The following BMPR1A variants were observed in gnomAD, a reference collection of about 807,000 sequenced individuals.
BMPR1A encodes bone morphogenetic protein receptor type-1A.
Under a neutral mutation model 66.0 loss-of-function variants are expected in BMPR1A, and 7 were observed. The ratio of observed to expected loss-of-function variants is 0.11; its 90% CI spans 0.06 to 0.20. The LOEUF is 0.20. Among genes scored for constraint, BMPR1A ranks in the 10% least tolerant of loss-of-function variants. The pLI, the probability that BMPR1A is intolerant of heterozygous loss-of-function variation, is 1.00. For missense variants in BMPR1A, 408 were observed against 669.1 expected (o/e 0.61, Z 4.31); for synonymous variants, 200 against 229.7 (o/e 0.87, Z 1.17).
chr10:86,874,673 C>T (rs180764924), intron 2 of BMPR1A, among the ~76,000 whole-genome samples: 44 of 145,736 alleles, frequency 3.0e-4, no homozygotes, highest in African/African-American at 9.4e-4. Flanking sequence ...TCTCAAAGTG[C>T]TGGGATTACA....
chr10:86,902,525 A>G (rs1241395458), intron 7 of BMPR1A, among the ~76,000 whole-genome samples: 2 of 152,166 alleles, frequency 1.3e-5, no homozygotes, highest in African/African-American at 2.4e-5. Flanking sequence ...TCTTAAGGAA[A>G]TCTGTTCAGC....
chr10:86,817,254 C>G (rs1842047499), intron 1 of BMPR1A, among the ~76,000 whole-genome samples: 1 of 152,228 alleles, frequency 6.6e-6, no homozygotes, highest in Admixed American at 6.5e-5. Flanking sequence ...ACTCTCCCTT[C>G]TTCCCTTTCC....
chr10:86,928,781 A>G (rs1057470143), downstream of BMPR1A: 9 of 151,840 alleles, frequency 5.9e-5, no homozygotes, highest in Non-Finnish European at 1.0e-4. Flanking sequence ...CAGCCTCCCA[A>G]GTAGCCGGGA....
chr10:86,809,595 C>CTTTTTTTT (rs71019431), intron 1 of BMPR1A, among the ~76,000 whole-genome samples: 107 of 123,614 alleles, frequency 8.7e-4, no homozygotes, highest in East Asian at 3.4e-3. Flanking sequence ...CACCCGACCT[C>CTTTTTTTT]TTTTTTTTTT....
chr10:86,824,081 TTGTGTG>T (rs71477609), intron 1 of BMPR1A, among the ~76,000 whole-genome samples: 14 of 94,128 alleles, frequency 1.5e-4, no homozygotes, highest in East Asian at 7.3e-4. Flanking sequence ...TTACCAAGGG[TTGTGTG>T]TGTGTGTGTG....
In BMPR1A at chr10:86,917,859, T is replaced by C. The variant is rs945340906; in HGVS notation, c.868+533T>C. ...CCTTTAATTTGGAGAGCCCATAGCA[T>C]GTTGCCAAGCAGGCAATTGTATTAG... is the stretch of plus-strand genomic sequence containing the variant. On this transcript the variant is annotated intron_variant, in intron 9 of 12. Transcript: ENST00000372037. 2.6e-5 allele frequency among the ~76,000 whole-genome samples: 4 copies of C among 152,224 alleles called. No individual in the cohort carries two copies. The South Asian group carries it at 8.3e-4, about 32-fold the overall frequency.
intron 2 of BMPR1A, among the ~76,000 whole-genome samples, chr10:86,867,483 A>G (rs1286675733): frequency 2.6e-5 from 4 of 152,230 alleles, no homozygotes; most frequent in Non-Finnish European, 5.9e-5. Context: ...GGAGAAACAG[A>G]AGAGTGACAC....
chr10:86,851,156 G>A (rs997640306), intron 2 of BMPR1A, among the ~76,000 whole-genome samples: 3 of 152,168 alleles, frequency 2.0e-5, no homozygotes, highest in African/African-American at 7.2e-5. Context: ...TTTTGGGAAC[G>A]AAGTTCTTGA....
At chr10:86,826,441 C>CA (rs1564696505) in intron 1 of BMPR1A, among the ~76,000 whole-genome samples, 2 of 151,338 alleles carry the variant, frequency 1.3e-5, no homozygotes, top group Admixed American at 6.6e-5. Flanking sequence ...CACACACACA[C>CA]CCGCTTTTGG....
At chr10:86,899,607 G>A (rs1281511118) in intron 5 of BMPR1A, among the ~76,000 whole-genome samples, 187 bp from the exon 6 acceptor site, 1 of 152,172 alleles carries the variant, frequency 6.6e-6, no homozygotes, top group Non-Finnish European at 1.5e-5. Flanking sequence ...ATGTTCTTAA[G>A]AAAAGCCATT....
At chr10:86,763,882 C>T (rs4933409) in intron 1 of BMPR1A, among the ~76,000 whole-genome samples, 1 of 151,360 alleles carries the variant, frequency 6.6e-6, no homozygotes. Context: ...GCTCTGCCTC[C>T]CGGGTTCACG....
chr10:86,801,888 A>T (rs988390072), intron 1 of BMPR1A, among the ~76,000 whole-genome samples: 63 of 151,770 alleles, frequency 4.2e-4, no homozygotes, highest in African/African-American at 1.3e-3. Context: ...AATTTTTTGT[A>T]CTTTTTTAGT....
rs371488736 is a variant in BMPR1A, at chr10:86,804,771, T to A, written c.-267-34094T>A. On this transcript the variant is annotated intron_variant, in intron 1 of 12. Transcript: ENST00000372037. ...TGTCTATAAAAAGTTTTGAATTTAT[T>A]TTAGCTTAATGTTTGTAGGTGTTTT... 3.3e-5 allele frequency among the ~76,000 whole-genome samples: 5 copies of A among 151,658 alleles called. No individual in the cohort carries two copies. The East Asian group carries it at 7.7e-4, about 23-fold the overall frequency.
chr10:86,855,470 A>C (rs951851625), intron 2 of BMPR1A: 5 of 576,382 alleles, frequency 8.7e-6, no homozygotes, highest in African/African-American at 7.5e-5. Context: ...TACTGTATTT[A>C]CTTTCAGAAT....
intron 11 of BMPR1A, 116 bp from the exon 12 acceptor site, chr10:86,923,260 T>G: frequency 7.1e-7 from 1 of 1,409,496 alleles, no homozygotes; most frequent in East Asian, 2.3e-5. Flanking sequence ...AGTGTCTATA[T>G]TTTTTCTTGT....
At position 86,890,113 on chromosome 10, in the gene BMPR1A, A is replaced by C. The variant is rs1060503403; in HGVS notation, c.119A>C (p.Asp40Ala). ...LHGTGMKSDS[D>A]QKKSENGVTL... ...GGCACTGGGATGAAATCAGACTCCG[A>C]CCAGAAAAAGTCAGAAAATGGAGTA... is the stretch of plus-strand genomic sequence containing the variant. The change falls in exon 4 of 13, where the codon GAC becomes GCC. Residue 40 changes from aspartate (D) to alanine (A), a missense_variant. By Grantham distance (126) the Asp-to-Ala change is moderately radical. This residue lies in a region of BMPR1A where 68 missense variants were observed against 83.0 expected (regional missense o/e 0.82). Transcript: ENST00000372037. 1.9e-6 allele frequency: 3 copies of C among 1,613,880 alleles called. No homozygotes were observed. The African/African-American group carries it at 4.0e-5, about 22-fold the overall frequency.
intron 1 of BMPR1A, among the ~76,000 whole-genome samples, chr10:86,779,065 G>C (rs895420362): frequency 1.1e-4 from 16 of 151,550 alleles, no homozygotes; most frequent in African/African-American, 3.4e-4. Context: ...ACCATACTCA[G>C]CCCAGATTTT....
rs1843725289 is a variant in BMPR1A at position 86,925,359 on chromosome 10, T to A, written c.*1640T>A. 4.5e-6 allele frequency: 1 copy of A among 220,630 alleles called. No individual in the cohort carries two copies. 13.7% of individuals were successfully genotyped at this position (220,630 alleles called of 1,614,324 possible). On this transcript the variant is annotated 3_prime_UTR_variant, in exon 13 of 13. Coordinates refer to ENST00000372037, the MANE Select transcript of BMPR1A (RefSeq NM_004329.3). Reference sequence around the variant, plus strand: ...ACATCATCATCAAAAAGGTTTAAATTAAATGGGAGGAAATCAGCATATGTC... The same window carrying A: ...ACATCATCATCAAAAAGGTTTAAATAAAATGGGAGGAAATCAGCATATGTC...
intron 2 of BMPR1A, among the ~76,000 whole-genome samples, chr10:86,861,503 G>A (rs1027885473): frequency 1.4e-4 from 22 of 152,208 alleles, no homozygotes; most frequent in African/African-American, 4.6e-4. Flanking sequence ...TGTACTGAAA[G>A]ATTGCAGTTG....
Sources: gnomAD v4.1 joint callset for allele counts (sites outside exome capture counted in the v4.1 genomes callset) on GRCh38, gnomAD v4.1.1 for gene constraint, gnomAD v4.1.1 regional missense constraint, MANE v1.5 for transcripts, NCBI Gene and HGNC (gene_info 2026-07-23, HGNC 2026-07-21) for gene names.